The following IRAK1BP1 variants were observed in gnomAD, a reference collection of about 807,000 sequenced individuals.
The protein encoded by IRAK1BP1 is interleukin 1 receptor associated kinase 1 binding protein 1.
In IRAK1BP1, 24 loss-of-function variants were observed where a neutral mutation model predicts 28.0. That is an observed-to-expected ratio of 0.86 (90% CI 0.62 to 1.20). The LOEUF (loss-of-function observed/expected upper bound fraction) is 1.20, where lower values mean the gene tolerates loss of function less well. IRAK1BP1 is among the 50% of genes most tolerant of loss of function. IRAK1BP1 has a pLI of 0.00. For missense variants in IRAK1BP1, 336 were observed against 316.7 expected, an observed-to-expected ratio of 1.06 and a Z score of -0.46; for synonymous variants, 131 against 116.3, an observed-to-expected ratio of 1.13 and a Z score of -0.81.
chr6:78,874,743 T>G (rs1434902520), intron 1 of IRAK1BP1, among the ~76,000 whole-genome samples: 1 of 152,234 alleles, frequency 6.6e-6, no homozygotes, highest in East Asian at 1.9e-4. Context: ...GATTTTACAG[T>G]GTTGTGTCCC....
At position 78,924,532 on chromosome 6, in the gene IRAK1BP1, A is replaced by G. The variant is rs1179294033; in HGVS notation, c.*68-20876A>G. ...ATTCCTTCTGAAACTATTCCAATCA[A>G]TAGAAAAAGAGGGAATCCTCCCTAA... On this transcript the variant is annotated intron_variant and NMD_transcript_variant, in intron 4 of 4. Transcript: ENST00000606868. Among the ~76,000 whole-genome samples, 6 of 152,192 alleles carry G rather than the reference A, an allele frequency of 3.9e-5. No homozygotes were observed. The South Asian group carries it at 1.0e-3, about 26-fold the overall frequency.
intron 1 of IRAK1BP1, among the ~76,000 whole-genome samples, chr6:78,880,817 C>A (rs1280842474): frequency 6.6e-6 from 1 of 152,130 alleles, no homozygotes; most frequent in South Asian, 2.1e-4. Context: ...GAAAATAAAA[C>A]CACAATGAAA....
intron 4 of IRAK1BP1, among the ~76,000 whole-genome samples, chr6:78,921,744 G>A (rs1462229802): frequency 6.6e-6 from 1 of 152,176 alleles, no homozygotes; most frequent in Non-Finnish European, 1.5e-5. Context: ...GGAACGATCA[G>A]GCAGCAACAT....
chr6:78,945,732 G>A (rs1773778001), exon 5 of IRAK1BP1: 4 of 599,120 alleles, frequency 6.7e-6, no homozygotes, highest in Non-Finnish European at 1.2e-5. Flanking sequence ...GCAAGTCTTG[G>A]CAAATTGCTA....
the IRAK1BP1 span, chr6:78,963,071 C>A: frequency 6.5e-7 from 1 of 1,539,102 alleles, no homozygotes; most frequent in Non-Finnish European, 8.7e-7. Context: ...CCAGTTTTTT[C>A]TATACTCGCG....
the IRAK1BP1 span, among the ~76,000 whole-genome samples, chr6:78,953,596 T>A: frequency 6.6e-6 from 1 of 152,222 alleles, no homozygotes; most frequent in African/African-American, 2.4e-5. Flanking sequence ...GCTCAATTTA[T>A]CACGCCGCTG....
chr6:78,909,373 T>A (rs1256155695), intron 4 of IRAK1BP1, among the ~76,000 whole-genome samples: 3 of 152,246 alleles, frequency 2.0e-5, no homozygotes, highest in African/African-American at 7.2e-5. Flanking sequence ...CAGATTGGCC[T>A]GAAGCTTAGC....
chr6:78,889,358 G>A (rs998774484), intron 2 of IRAK1BP1, among the ~76,000 whole-genome samples: 1 of 151,980 alleles, frequency 6.6e-6, no homozygotes, highest in Non-Finnish European at 1.5e-5. Context: ...TCAGGACATA[G>A]TCATGGGCAA....
chr6:78,928,420 T>G (rs1397449638), intron 4 of IRAK1BP1, among the ~76,000 whole-genome samples: 1 of 152,064 alleles, frequency 6.6e-6, no homozygotes. Flanking sequence ...TGTGTGTGTG[T>G]GTGGAGTCTT....
At chr6:78,890,257 C>T (rs1771595855) in intron 2 of IRAK1BP1, among the ~76,000 whole-genome samples, 1 of 150,824 alleles carries the variant, frequency 6.6e-6, no homozygotes, top group Non-Finnish European at 1.5e-5. Context: ...ACATCACATA[C>T]CAGGGCCTGT....
intron 1 of IRAK1BP1, chr6:78,871,285 C>T: frequency 7.1e-6 from 7 of 985,314 alleles, no homozygotes; most frequent in Non-Finnish European, 8.4e-6. Context: ...GTTTCGGTCA[C>T]TCAGGATGCA....
chr6:78,955,714 T>C, the IRAK1BP1 span: 1 of 715,856 alleles, frequency 1.4e-6, no homozygotes, highest in African/African-American at 1.8e-5. Flanking sequence ...ACATGTAAGA[T>C]TAGAACCATG....
At chr6:78,936,467 G>T (rs1773275346) in intron 4 of IRAK1BP1, 1 of 151,760 alleles carries the variant, frequency 6.6e-6, no homozygotes, top group Admixed American at 6.6e-5. Flanking sequence ...CAATCTTAAA[G>T]TAACCAGCAT....
At chr6:78,961,081 G>T in the IRAK1BP1 span, among the ~76,000 whole-genome samples, 1 of 151,952 alleles carries the variant, frequency 6.6e-6, no homozygotes, top group South Asian at 2.1e-4. Flanking sequence ...AACATTTTAG[G>T]TAATAATAAA....
Position 78,898,785 on chromosome 6 carries a change from G to T in IRAK1BP1, c.*451G>T, listed in dbSNP as rs540795239. 2.6e-5 allele frequency: 4 copies of T among 151,910 alleles called. No homozygotes were observed. In the South Asian group the frequency reaches 8.3e-4, roughly 32 times the overall value. The allele number at this position is 151,910 out of a possible 1,614,324, so 9.4% of individuals were successfully genotyped here. A position where few individuals can be genotyped will look rare whatever the true frequency, so the allele number is the denominator to read the frequency against. ...TAAATTGTAAGACAAAATTTTTATG[G>T]AAAAGAATTCCTATATCCCATCAAA... On this transcript the variant is annotated 3_prime_UTR_variant, in exon 4 of 4. Transcript: ENST00000369940.
At chr6:78,971,927 G>A in the IRAK1BP1 span, among the ~76,000 whole-genome samples, 1 of 152,176 alleles carries the variant, frequency 6.6e-6, no homozygotes, top group Non-Finnish European at 1.5e-5. Flanking sequence ...AGGTCAAACT[G>A]CAAGGCGGCA....
At chr6:78,964,952 TACAA>T in the IRAK1BP1 span, among the ~76,000 whole-genome samples, 1 of 152,212 alleles carries the variant, frequency 6.6e-6, no homozygotes, top group Non-Finnish European at 1.5e-5. Context: ...TTGTATTTTT[TACAA>T]ACAAACAAAA....
chr6:78,931,286 C>T (rs1008068356), intron 4 of IRAK1BP1, among the ~76,000 whole-genome samples: 8 of 152,042 alleles, frequency 5.3e-5, no homozygotes, highest in African/African-American at 1.9e-4. Flanking sequence ...GTGGTGTCTA[C>T]CTGTAGTCGA....
the IRAK1BP1 span, among the ~76,000 whole-genome samples, chr6:78,964,797 A>G: frequency 6.6e-6 from 1 of 152,170 alleles, no homozygotes; most frequent in Non-Finnish European, 1.5e-5. Context: ...GCCCTGTAAT[A>G]TATTATTTTT....
Sources: allele counts gnomAD v4.1 joint callset (sites outside exome capture counted in the v4.1 genomes callset), GRCh38; gene constraint gnomAD v4.1.1; transcripts MANE v1.5; gene names NCBI Gene and HGNC (gene_info 2026-07-23, HGNC 2026-07-21).